The following ABCB1 variants were observed in gnomAD, a reference collection of about 807,000 sequenced individuals.
ABCB1 encodes the protein ATP binding cassette subfamily B member 1.
ABCB1 carries 69 observed loss-of-function variants against 142.0 expected under a neutral mutation model. The ratio of observed to expected loss-of-function variants is 0.49; its 90% CI spans 0.40 to 0.59. The LOEUF (loss-of-function observed/expected upper bound fraction) is 0.59. Ranked by LOEUF, ABCB1 falls within the 20% of genes least tolerant of loss-of-function variation. The pLI is 0.00. For missense variants in ABCB1, 1,326 were observed against 1,554.7 expected, an observed-to-expected ratio of 0.85 and a Z score of 2.47; for synonymous variants, 532 against 539.2, an observed-to-expected ratio of 0.99 and a Z score of 0.18.
intron 1 of ABCB1, among the ~76,000 whole-genome samples, chr7:87,707,544 C>A (rs182454945): frequency 2.6e-5 from 4 of 152,040 alleles, no homozygotes; most frequent in Non-Finnish European, 5.9e-5. Flanking sequence ...TGTGGTGGCA[C>A]GCACCTGTAG....
At chr7:87,680,797 A>AAAAAG (rs558068259) in intron 1 of ABCB1, among the ~76,000 whole-genome samples, 1 of 150,494 alleles carries the variant, frequency 6.6e-6, no homozygotes, top group Non-Finnish European at 1.5e-5. Flanking sequence ...CCATCTCAAA[A>AAAAAG]AAAAGAAAAG....
chr7:87,645,736 G>A (rs1822939462), intron 1 of ABCB1, among the ~76,000 whole-genome samples: 1 of 152,074 alleles, frequency 6.6e-6, no homozygotes, highest in Non-Finnish European at 1.5e-5. Flanking sequence ...GCACATCTTA[G>A]TTACTGTGTT....
At chr7:87,602,438 G>A (rs181041839), upstream of ABCB1, among the ~76,000 whole-genome samples, 52 of 151,870 alleles carry the variant, frequency 3.4e-4, no homozygotes, top group Middle Eastern at 3.4e-3. Context: ...TGGTCCATCT[G>A]GGGTAAATGT....
intron 8 of ABCB1, among the ~76,000 whole-genome samples, chr7:87,559,460 A>G (rs1817456221): frequency 6.6e-6 from 1 of 152,052 alleles, no homozygotes; most frequent in Admixed American, 6.6e-5. Context: ...TAAACATATA[A>G]AATAGTTATT....
intron 1 of ABCB1, among the ~76,000 whole-genome samples, chr7:87,633,587 C>T (rs188867471): frequency 6.6e-6 from 1 of 152,142 alleles, no homozygotes; most frequent in East Asian, 1.9e-4. Context: ...CAGTTCTTTT[C>T]TTTGTACTTC....
At chr7:87,594,338 C>T (rs1351536095) in intron 3 of ABCB1, among the ~76,000 whole-genome samples, 1 of 152,090 alleles carries the variant, frequency 6.6e-6, no homozygotes, top group Non-Finnish European at 1.5e-5. Flanking sequence ...ATATGAAATA[C>T]TTAGGACAAT....
chr7:87,711,757 C>G (rs1196224680), intron 1 of ABCB1, among the ~76,000 whole-genome samples: 26 of 152,142 alleles, frequency 1.7e-4, no homozygotes, highest in Admixed American at 9.8e-4. Flanking sequence ...CCACATGTAG[C>G]TAATGGTAAC....
At chr7:87,531,994 G>A (rs562367982) in intron 20 of ABCB1, among the ~76,000 whole-genome samples, 10 of 152,224 alleles carry the variant, frequency 6.6e-5, no homozygotes, top group East Asian at 3.9e-4. Flanking sequence ...GATAGTAAGC[G>A]CGCATTATTA....
chr7:87,591,590 A>G (rs1207162473), intron 3 of ABCB1, among the ~76,000 whole-genome samples: 1 of 152,140 alleles, frequency 6.6e-6, no homozygotes, highest in Non-Finnish European at 1.5e-5. Flanking sequence ...TTGGAACTGA[A>G]GCAGTCAGAG....
chr7:87,532,049 T>C (rs529643659), intron 20 of ABCB1, among the ~76,000 whole-genome samples: 3 of 152,298 alleles, frequency 2.0e-5, no homozygotes, highest in South Asian at 4.1e-4. Flanking sequence ...TGACTTTCAC[T>C]AGTGTGCACT....
intron 4 of ABCB1, among the ~76,000 whole-genome samples, chr7:87,580,605 G>A (rs996645248): frequency 2.6e-5 from 4 of 151,992 alleles, no homozygotes; most frequent in African/African-American, 9.7e-5. Context: ...TTTAGGCTTG[G>A]GAAATTCTGT....
chr7:87,546,824 C>T (rs997839906), intron 14 of ABCB1, among the ~76,000 whole-genome samples: 1 of 152,030 alleles, frequency 6.6e-6, no homozygotes, highest in African/African-American at 2.4e-5. Context: ...TTTATTTTAT[C>T]CAATAAAATA....
chr7:87,607,297 GAAGAGAGAAGTCCAATT>G (rs1200239281), intron 1 of ABCB1, among the ~76,000 whole-genome samples: 9 of 152,122 alleles, frequency 5.9e-5, no homozygotes, highest in Non-Finnish European at 1.3e-4. Context: ...AGATAATACA[GAAGAGAGAAGTCCAATT>G]AAGGACTTCA....
chr7:87,643,287 T>A (rs1822634163), intron 1 of ABCB1, among the ~76,000 whole-genome samples: 1 of 152,184 alleles, frequency 6.6e-6, no homozygotes, highest in Non-Finnish European at 1.5e-5. Flanking sequence ...GAAGAGAGTT[T>A]CATGTTTCAG....
At chr7:87,647,615 C>T (rs1387837752) in intron 1 of ABCB1, among the ~76,000 whole-genome samples, 1 of 152,106 alleles carries the variant, frequency 6.6e-6, no homozygotes, top group Non-Finnish European at 1.5e-5. Context: ...TCCAGTATTT[C>T]ATAATTTAGT....
chr7:87,564,150 C>T, intron 7 of ABCB1: 2 of 452,256 alleles, frequency 4.4e-6, no homozygotes, highest in Non-Finnish European at 8.9e-6. Flanking sequence ...TGCACTTACA[C>T]CCCTGAACTT....
chr7:87,561,970 A>T (rs997086848), intron 7 of ABCB1, among the ~76,000 whole-genome samples: 7 of 152,204 alleles, frequency 4.6e-5, no homozygotes, highest in African/African-American at 1.7e-4. Flanking sequence ...TGGGCAACAG[A>T]GTGAGACCCT....
chr7:87,660,170 G>C (rs980299957), intron 1 of ABCB1, among the ~76,000 whole-genome samples: 6 of 151,954 alleles, frequency 3.9e-5, no homozygotes, highest in African/African-American at 1.4e-4. Context: ...GCGTAAGTTT[G>C]GAATCATGGT....
chr7:87,639,780 C>T (rs1229073748), intron 1 of ABCB1, among the ~76,000 whole-genome samples: 2 of 151,786 alleles, frequency 1.3e-5, no homozygotes, highest in African/African-American at 4.8e-5. Context: ...TTTCTGGGCT[C>T]TTATATTTAG....
Sources: gnomAD v4.1 joint callset for allele counts (sites outside exome capture counted in the v4.1 genomes callset) on GRCh38, gnomAD v4.1.1 for gene constraint, MANE v1.5 for transcripts, NCBI Gene and HGNC (gene_info 2026-07-23, HGNC 2026-07-21) for gene names.